The following UNC80 variants were observed in gnomAD, a reference collection of about 807,000 sequenced individuals.
UNC80 encodes the protein unc-80 subunit of NALCN channel complex.
UNC80 carries 164 observed loss-of-function variants against 384.6 expected under a neutral mutation model. The ratio of observed to expected loss-of-function variants is 0.43; its 90% confidence interval spans 0.38 to 0.49. UNC80 has a LOEUF of 0.49. Among genes scored for constraint, UNC80 ranks in the 20% least tolerant of loss-of-function variants. The pLI is 0.00. For missense variants in UNC80, 3,330 were observed against 4,143.0 expected (o/e 0.80, Z 5.39); for synonymous variants, 1,486 against 1,527.8 (o/e 0.97, Z 0.64).
At chr2:209,853,011 A>G (rs1304597850) in intron 22 of UNC80, among the ~76,000 whole-genome samples, 1 of 152,156 alleles carries the variant, frequency 6.6e-6, no homozygotes, top group Admixed American at 6.6e-5. Flanking sequence ...GGATCTAGAT[A>G]TAGGCACAGA....
chr2:209,970,707 A>T (rs759813967), intron 53 of UNC80, 125 bp from the exon 54 acceptor site: 3 of 1,250,694 alleles, frequency 2.4e-6, no homozygotes, highest in Non-Finnish European at 3.3e-6. Context: ...GAAAGAAAAG[A>T]TTGAAAGTAA....
chr2:209,845,328 A>G (rs1425797990), intron 21 of UNC80: 2 of 152,128 alleles, frequency 1.3e-5, no homozygotes, highest in African/African-American at 4.8e-5. Context: ...CCGTTTGTAG[A>G]TTTTTCTCCT....
intron 7 of UNC80, among the ~76,000 whole-genome samples, chr2:209,812,351 C>T (rs2079427207): frequency 6.6e-6 from 1 of 151,948 alleles, no homozygotes; most frequent in African/African-American, 2.4e-5. Context: ...TGAGCCACCG[C>T]GCCTGGCACC....
intron 59 of UNC80, 69 bp downstream of exon 59, chr2:209,978,777 T>A (rs1387207019): frequency 7.3e-7 from 1 of 1,364,214 alleles, no homozygotes; most frequent in Non-Finnish European, 9.7e-7. Flanking sequence ...TGGGAAGGAT[T>A]ACTGCCCTTC....
At position 209,834,971 on chromosome 2, in the gene UNC80, G is replaced by T. The variant is rs763702668; in HGVS notation, c.3002G>T (p.Arg1001Leu). 6.4e-7 allele frequency: 1 copy of T among 1,550,836 alleles called. No individual in the cohort carries two copies. The highest frequency in any genetic ancestry group is 1.4e-5 in the African/African-American group (1 of 72,994). Residue 1001 changes from arginine (R) to leucine (L), a missense_variant, in exon 18 of 65, where the codon CGC becomes CTC. By Grantham distance (102) the Arg-to-Leu change is moderately radical. Transcript: ENST00000673920. Reference protein sequence around the residue: ...GQVSSAPEECRSFMSGRPSQT... With the variant: ...GQVSSAPEECLSFMSGRPSQT... Reference sequence around the variant, plus strand: ...GTATCCTCTGCACCTGAGGAATGTCGCAGCTTCATGTCTGGTCGCCCCTCA... The same window carrying T: ...GTATCCTCTGCACCTGAGGAATGTCTCAGCTTCATGTCTGGTCGCCCCTCA...
In UNC80 at chr2:209,872,996, C is replaced by T; in HGVS notation, c.3840+26C>T. ...GTGAGCTTTCGGTTTTCTTCTATAA[C>T]AATTAGGTTGCTTAAGTGAAGTGGA... On this transcript the variant is annotated intron_variant, in intron 23 of 64. Transcript: ENST00000673920. The surrounding 1 kb of genome is among the most constrained non-coding windows in gnomAD (Gnocchi z 4.1). The T allele has an allele frequency of 6.5e-7, 1 of 1,544,080 alleles. No homozygotes were observed. Among genetic ancestry groups the T allele is most frequent in the Non-Finnish European group, 8.8e-7 (1 of 1,140,342 alleles).
intron 24 of UNC80, among the ~76,000 whole-genome samples, chr2:209,879,188 A>G (rs1466213991): frequency 6.6e-6 from 1 of 152,276 alleles, no homozygotes; most frequent in African/African-American, 2.4e-5. Context: ...AGATATCTAA[A>G]GTAGCCTAGA....
At chr2:209,981,878 C>T (rs911347367) in intron 59 of UNC80, among the ~76,000 whole-genome samples, 4 of 152,138 alleles carry the variant, frequency 2.6e-5, no homozygotes, top group African/African-American at 9.7e-5. Flanking sequence ...TAGCTTTTCT[C>T]AAATCTTAAA....
chr2:209,904,804 A>G lies in UNC80; in HGVS notation c.4621A>G (p.Thr1541Ala), dbSNP rs2087975162. 1 of 1,551,934 alleles carries G rather than the reference A, an allele frequency of 6.4e-7. No homozygotes were observed. The highest frequency in any genetic ancestry group is 8.7e-7 in the Non-Finnish European group (1 of 1,147,050). The change falls in exon 29 of 65, where the codon ACT (threonine) becomes GCT (alanine). Residue 1541 changes from threonine to alanine, a missense_variant. Physicochemically the swap from Thr to Ala is moderately conservative, Grantham distance 58. Transcript: ENST00000673920. ...GTGCAATCAGCAGAGTTTCATCTGC[A>G]CTCACGTTGACTACTGCCATCCCCA... is the stretch of plus-strand genomic sequence containing the variant. The part of the protein sequence containing the change: ...LLCNQQSFIC[T>A]HVDYCHPHCY...
In UNC80 at chr2:209,993,325, C is replaced by T. The variant is rs2093425676; in HGVS notation, c.9407C>T (p.Pro3136Leu). 4.5e-6 allele frequency: 7 copies of T among 1,551,638 alleles called. No individual in the cohort carries two copies. The highest frequency in any genetic ancestry group is 2.0e-5 in the Admixed American group (1 of 50,972). ...GCCTATTCTCTTTAGCTAAGACGTC[C>T]TCTACTATCACGTCAGAAAACTCAG... ...RKRGLRQLRR[P>L]LLSRQKTQTE... The change falls in exon 63 of 65, where the codon CCT becomes CTT. Residue 3136 changes from proline to leucine, a missense_variant. By Grantham distance (98) the Pro-to-Leu change is moderately conservative. Around this residue, in one of 8 missense-constraint regions of UNC80, gnomAD observed 236 missense variants for 254.9 expected, o/e 0.93. Coordinates refer to ENST00000673920, the MANE Select transcript of UNC80 (RefSeq NM_001371986.1).
At chr2:209,962,074 C>A (rs2092608144) in intron 51 of UNC80, among the ~76,000 whole-genome samples, 1 of 152,128 alleles carries the variant, frequency 6.6e-6, no homozygotes, top group African/African-American at 2.4e-5. Flanking sequence ...GGTTAGCATT[C>A]CTTCCTTCTG....
At chr2:209,774,461 C>T (rs1559068688) in intron 2 of UNC80, among the ~76,000 whole-genome samples, 1 of 151,770 alleles carries the variant, frequency 6.6e-6, no homozygotes. Context: ...CAAAAAGTTA[C>T]GTTAATAGAT....
At chr2:209,969,441 G>A (rs1028112215) in intron 52 of UNC80, 1 of 281,202 alleles carries the variant, frequency 3.6e-6, no homozygotes, top group Non-Finnish European at 6.7e-6. Flanking sequence ...GTTCTATTGG[G>A]AGTAATTACC....
At chr2:209,978,333 T>C (rs1168257385) in intron 58 of UNC80, among the ~76,000 whole-genome samples, 196 bp from the exon 59 acceptor site, 5 of 152,226 alleles carry the variant, frequency 3.3e-5, no homozygotes, top group Non-Finnish European at 7.3e-5. Flanking sequence ...AACTATTTAA[T>C]TATATCAGTG....
chr2:209,836,994 A>G lies in UNC80; in HGVS notation c.3041+1984A>G, dbSNP rs568018673. On this transcript the variant is annotated intron_variant, in intron 18 of 64. Transcript: ENST00000673920. ...CACGTATCATGCCATGCATTTACCA[A>G]AAGTGAGAAATGCTTCATACCCTGT... Among the ~76,000 whole-genome samples the G allele has an allele frequency of 3.9e-5, 6 of 152,340 alleles. No homozygotes were observed. The South Asian group carries it at 1.2e-3, about 32-fold the overall frequency.
chr2:209,865,901 A>G (rs1296558655), intron 22 of UNC80, among the ~76,000 whole-genome samples: 2 of 152,154 alleles, frequency 1.3e-5, no homozygotes, highest in Non-Finnish European at 2.9e-5. Context: ...CTAGAATTGT[A>G]TTTATAGGCT....
intron 51 of UNC80, among the ~76,000 whole-genome samples, chr2:209,963,205 C>A (rs555418205): frequency 6.6e-6 from 1 of 152,310 alleles, no homozygotes; most frequent in Non-Finnish European, 1.5e-5. Flanking sequence ...AATTCTCTCT[C>A]TTTTTCTCTC....
intron 28 of UNC80, among the ~76,000 whole-genome samples, chr2:209,903,266 A>G (rs979481192): frequency 5.0e-5 from 7 of 138,980 alleles, no homozygotes; most frequent in Non-Finnish European, 9.2e-5. Flanking sequence ...AACCATGGAT[A>G]TGGAGAGCTG....
In UNC80 at chr2:209,935,714, G is replaced by T; in HGVS notation, c.6179G>T (p.Gly2060Val). 6.6e-7 allele frequency: 1 copy of T among 1,504,324 alleles called. No individual in the cohort carries two copies. The highest frequency in any genetic ancestry group is 8.9e-7 in the Non-Finnish European group (1 of 1,122,928). 93.2% of individuals were successfully genotyped at this position (1,504,324 alleles called of 1,614,324 possible). ...TTGTTATTATTTTTATCATCTGTAG[G>T]TACTAAAACCTTGGTAGTTCATGGA... is the stretch of plus-strand genomic sequence containing the variant. ...VKLLVTASMPGTKTLVVHGQN... is the reference protein window; with the variant it reads ...VKLLVTASMPVTKTLVVHGQN... The change falls in exon 40 of 65, where the codon GGT becomes GTT. Residue 2060 changes from glycine (G) to valine (V), a missense_variant and splice_region_variant. Around this residue, in one of 8 missense-constraint regions of UNC80, gnomAD observed 1,049 missense variants for 1,488.6 expected, o/e 0.70. Transcript: ENST00000673920.
Sources: allele counts gnomAD v4.1 joint callset (sites outside exome capture counted in the v4.1 genomes callset), GRCh38; gene constraint gnomAD v4.1.1; regional missense constraint gnomAD v4.1.1; non-coding constraint Gnocchi (gnomAD v3.1); transcripts MANE v1.5; gene names NCBI Gene and HGNC (gene_info 2026-07-23, HGNC 2026-07-21).